SOX5: variants seen among roughly 807,000 people sequenced by gnomAD.
The protein encoded by SOX5 is transcription factor SOX-5.
Under a neutral mutation model 92.0 loss-of-function variants are expected in SOX5, and 9 were observed. The observed-to-expected ratio is 0.10, with a 90% CI of 0.06 to 0.17. SOX5 has a LOEUF of 0.17. SOX5 is among the 10% of genes least tolerant of loss of function. SOX5 has a pLI of 1.00. For missense variants in SOX5, 642 were observed against 944.5 expected, an observed-to-expected ratio of 0.68 and a Z score of 4.20; for synonymous variants, 344 against 336.3, an observed-to-expected ratio of 1.02 and a Z score of -0.25.
chr12:24,183,880 T>C (rs1282985487), intron 4 of SOX5, among the ~76,000 whole-genome samples: 1 of 152,176 alleles, frequency 6.6e-6, no homozygotes, highest in East Asian at 1.9e-4. Context: ...ACTGTAGACA[T>C]TGATAGTACC....
At chr12:24,447,311 T>G (rs1941632869) in intron 1 of SOX5, among the ~76,000 whole-genome samples, 6 of 152,196 alleles carry the variant, frequency 3.9e-5, no homozygotes, top group Admixed American at 3.9e-4. Flanking sequence ...TTCAGCTTTG[T>G]GACCTTCCTC....
chr12:23,542,648 A>G (rs751625715), intron 13 of SOX5, among the ~76,000 whole-genome samples: 3 of 152,244 alleles, frequency 2.0e-5, no homozygotes, highest in East Asian at 1.9e-4. Context: ...TAAGGTTACT[A>G]AAAGTATAAA....
intron 3 of SOX5, among the ~76,000 whole-genome samples, chr12:23,791,175 T>C (rs1198407276): frequency 6.6e-6 from 1 of 152,248 alleles, no homozygotes; most frequent in Non-Finnish European, 1.5e-5. Context: ...GGACTCAAGC[T>C]ACACAAAACA....
chr12:24,197,099 T>A (rs1565634930), intron 4 of SOX5, among the ~76,000 whole-genome samples: 2 of 152,178 alleles, frequency 1.3e-5, no homozygotes, highest in Non-Finnish European at 2.9e-5. Flanking sequence ...AACATTTCTA[T>A]CCTCATAACT....
intron 1 of SOX5, among the ~76,000 whole-genome samples, chr12:24,533,469 T>C (rs1951365149): frequency 6.6e-6 from 1 of 152,188 alleles, no homozygotes; most frequent in Non-Finnish European, 1.5e-5. Flanking sequence ...ATATTATGTT[T>C]TTAAATATGC....
chr12:23,737,694 C>A (rs1169637393), intron 5 of SOX5, among the ~76,000 whole-genome samples: 1 of 152,152 alleles, frequency 6.6e-6, no homozygotes, highest in Non-Finnish European at 1.5e-5. Flanking sequence ...TCCCCTATCA[C>A]CTCATGCCTG....
intron 1 of SOX5, among the ~76,000 whole-genome samples, chr12:24,547,999 A>T (rs766845009): frequency 1.4e-4 from 22 of 152,218 alleles, no homozygotes; most frequent in Non-Finnish European, 2.1e-4. Flanking sequence ...ATAACCATAA[A>T]CTGCTATTGT....
chr12:23,630,404 T>C (rs1395149235), intron 8 of SOX5, among the ~76,000 whole-genome samples: 1 of 151,962 alleles, frequency 6.6e-6, no homozygotes, highest in Non-Finnish European at 1.5e-5. Flanking sequence ...GCCTTTATTT[T>C]ATACCACAGA....
chr12:23,737,780 C>A (rs1320919823), intron 5 of SOX5, among the ~76,000 whole-genome samples: 2 of 146,130 alleles, frequency 1.4e-5, no homozygotes, highest in African/African-American at 2.8e-5. Context: ...TGCTTCTGGG[C>A]CTTTGCACTT....
intron 11 of SOX5, among the ~76,000 whole-genome samples, chr12:23,548,383 T>A (rs1457292460): frequency 6.6e-6 from 1 of 152,028 alleles, no homozygotes; most frequent in Non-Finnish European, 1.5e-5. Flanking sequence ...CCACCACTAA[T>A]GCACCCAATA....
chr12:24,228,114 A>G (rs1962504229), intron 3 of SOX5, among the ~76,000 whole-genome samples: 1 of 152,146 alleles, frequency 6.6e-6, no homozygotes, highest in South Asian at 2.1e-4. Flanking sequence ...GGTCTCAGAG[A>G]GAGCTCTAGA....
At chr12:23,716,174 G>T (rs1019767070) in intron 6 of SOX5, among the ~76,000 whole-genome samples, 2 of 152,150 alleles carry the variant, frequency 1.3e-5, no homozygotes, top group African/African-American at 4.8e-5. Context: ...CTTAATTAAT[G>T]TAAAGGTTTA....
At chr12:23,976,833 CAAA>C (rs1948978084) in intron 4 of SOX5, among the ~76,000 whole-genome samples, 1 of 149,214 alleles carries the variant, frequency 6.7e-6, no homozygotes. Flanking sequence ...TTTTTTAAAA[CAAA>C]AACAAAAACA....
intron 3 of SOX5, among the ~76,000 whole-genome samples, chr12:24,265,436 T>C (rs1441928978): frequency 6.6e-6 from 1 of 152,110 alleles, no homozygotes; most frequent in African/African-American, 2.4e-5. Context: ...CTTAGCTATT[T>C]GTGAGGCTGA....
intron 1 of SOX5, among the ~76,000 whole-genome samples, chr12:24,392,254 C>T (rs958685361): frequency 5.3e-5 from 8 of 152,132 alleles, no homozygotes; most frequent in African/African-American, 1.9e-4. Context: ...TCTATTCTCC[C>T]CACAGTAGCC....
intron 9 of SOX5, among the ~76,000 whole-genome samples, chr12:23,590,178 A>G (rs1951329173): frequency 1.3e-5 from 2 of 152,012 alleles, no homozygotes; most frequent in Admixed American, 1.3e-4. Context: ...AATAATTGAA[A>G]TAGCATGATA....
chr12:23,713,218 C>T (rs888171102), intron 6 of SOX5, among the ~76,000 whole-genome samples: 2 of 152,146 alleles, frequency 1.3e-5, no homozygotes, highest in African/African-American at 2.4e-5. Flanking sequence ...GATGGCCAGG[C>T]GGCTGGCTGG....
intron 3 of SOX5, among the ~76,000 whole-genome samples, chr12:23,779,564 C>T (rs903834913): frequency 1.3e-5 from 2 of 151,418 alleles, no homozygotes; most frequent in Admixed American, 6.6e-5. Context: ...ACCTATAATA[C>T]AGTCATATTC....
intron 1 of SOX5, among the ~76,000 whole-genome samples, chr12:24,515,090 TG>T (rs1358356414): frequency 6.6e-6 from 1 of 152,204 alleles, no homozygotes; most frequent in Non-Finnish European, 1.5e-5. Flanking sequence ...ATGAAGATAA[TG>T]CATAGCTGTG....
Sources: allele counts gnomAD v4.1 joint callset (sites outside exome capture counted in the v4.1 genomes callset), GRCh38; gene constraint gnomAD v4.1.1; transcripts MANE v1.5; gene names NCBI Gene and HGNC (gene_info 2026-07-23, HGNC 2026-07-21).